NXPE2: variants seen among roughly 807,000 people sequenced by gnomAD.
The protein encoded by NXPE2 is NXPE family member 2.
A neutral mutation model predicts 34.4 loss-of-function variants in NXPE2; 34 were observed. The ratio of observed to expected loss-of-function variants is 0.99; its 90% CI spans 0.75 to 1.31. NXPE2 has a LOEUF of 1.31. Ranked by LOEUF, NXPE2 falls within the 40% of genes most tolerant of loss-of-function variation. The probability of loss-of-function intolerance (pLI) is 0.00; values close to 1 mark genes in which losing one functional copy is unlikely to be tolerated. For synonymous variants in NXPE2, 235 were observed against 231.3 expected, an observed-to-expected ratio of 1.02 and a Z score of -0.15; for missense variants, 649 against 672.5, an observed-to-expected ratio of 0.97 and a Z score of 0.39.
the NXPE2 span, among the ~76,000 whole-genome samples, chr11:114,732,860 C>G: frequency 6.6e-6 from 1 of 152,120 alleles, no homozygotes; most frequent in Non-Finnish European, 1.5e-5. Flanking sequence ...AATTGATGGG[C>G]TATCTGGCCC....
At chr11:114,665,575 G>A in the NXPE2 span, among the ~76,000 whole-genome samples, 4 of 152,152 alleles carry the variant, frequency 2.6e-5, no homozygotes, top group African/African-American at 9.6e-5. Context: ...TGAAGCCCAC[G>A]TAGTTAACAT....
the NXPE2 span, among the ~76,000 whole-genome samples, chr11:114,651,436 C>T: frequency 1.4e-4 from 21 of 152,282 alleles, no homozygotes; most frequent in East Asian, 3.7e-3. Flanking sequence ...GTGAGTGTTA[C>T]AGCTCATAAA....
At chr11:114,538,866 G>A in the NXPE2 span, among the ~76,000 whole-genome samples, 3 of 152,098 alleles carry the variant, frequency 2.0e-5, no homozygotes, top group Non-Finnish European at 1.5e-5. Context: ...CATTGTGGAA[G>A]TCAGTGTGGT....
At chr11:114,490,323 C>T in the NXPE2 span, among the ~76,000 whole-genome samples, 1 of 152,160 alleles carries the variant, frequency 6.6e-6, no homozygotes, top group Non-Finnish European at 1.5e-5. Context: ...ATCAAGCTAC[C>T]AATGACTTTC....
chr11:114,696,984 A>G (rs1951269747), intron 2 of NXPE2, among the ~76,000 whole-genome samples: 1 of 152,226 alleles, frequency 6.6e-6, no homozygotes, highest in Non-Finnish European at 1.5e-5. Flanking sequence ...AATAACTAAT[A>G]TTAAAATAGA....
chr11:114,666,161 C>T, the NXPE2 span, among the ~76,000 whole-genome samples: 1 of 152,156 alleles, frequency 6.6e-6, no homozygotes, highest in Non-Finnish European at 1.5e-5. Flanking sequence ...CTCCTTCTCT[C>T]TCTAAGGCTC....
chr11:114,680,013 C>T (rs1453210799), intron 2 of NXPE2, among the ~76,000 whole-genome samples: 1 of 152,112 alleles, frequency 6.6e-6, no homozygotes. Flanking sequence ...CATCTCTGTA[C>T]TAGTTGGCAC....
the NXPE2 span, among the ~76,000 whole-genome samples, chr11:114,496,423 C>T: frequency 6.6e-6 from 1 of 152,112 alleles, no homozygotes. Flanking sequence ...CTTTCCTACC[C>T]TCTTCAGTTT....
chr11:114,534,927 A>T, the NXPE2 span, among the ~76,000 whole-genome samples: 1 of 152,214 alleles, frequency 6.6e-6, no homozygotes, highest in Non-Finnish European at 1.5e-5. Flanking sequence ...GGAAATACAG[A>T]GAACGCCACT....
At chr11:114,678,924 G>A (rs1328705486) in intron 1 of NXPE2, among the ~76,000 whole-genome samples, 3 of 151,044 alleles carry the variant, frequency 2.0e-5, no homozygotes, top group Non-Finnish European at 3.0e-5. Context: ...TTTTTCTGGG[G>A]TGGGGGGGTT....
chr11:114,520,605 A>G, the NXPE2 span, among the ~76,000 whole-genome samples: 4 of 152,084 alleles, frequency 2.6e-5, no homozygotes, highest in Non-Finnish European at 4.4e-5. Context: ...TGAAGTGCTG[A>G]TTTCATTTCC....
the NXPE2 span, among the ~76,000 whole-genome samples, chr11:114,629,634 C>T: frequency 6.6e-6 from 1 of 152,040 alleles, no homozygotes; most frequent in Non-Finnish European, 1.5e-5. Flanking sequence ...CCTCTCTCAC[C>T]ACTCCTATTC....
chr11:114,601,929 T>TA, the NXPE2 span, among the ~76,000 whole-genome samples: 1 of 64,264 alleles, frequency 1.6e-5, no homozygotes, highest in Admixed American at 2.9e-4. Flanking sequence ...TATAATATAT[T>TA]TATATATATT....
At chr11:114,802,458 C>T in the NXPE2 span, among the ~76,000 whole-genome samples, 193 of 152,292 alleles carry the variant, frequency 1.3e-3, 2 homozygotes, top group African/African-American at 4.5e-3. Context: ...GGGTCACAAG[C>T]CCATCCTTGG....
chr11:114,775,843 C>T, the NXPE2 span, among the ~76,000 whole-genome samples: 1 of 148,848 alleles, frequency 6.7e-6, no homozygotes, highest in Non-Finnish European at 1.5e-5. Flanking sequence ...GGTAAAACTC[C>T]AGCAGCCTTC....
the NXPE2 span, among the ~76,000 whole-genome samples, chr11:114,662,461 C>T: frequency 6.6e-6 from 1 of 152,150 alleles, no homozygotes; most frequent in South Asian, 2.1e-4. Context: ...GAAAGACAGT[C>T]TAGGCCACAA....
At chr11:114,761,346 C>T in the NXPE2 span, among the ~76,000 whole-genome samples, 4 of 152,154 alleles carry the variant, frequency 2.6e-5, no homozygotes, top group Admixed American at 6.5e-5. Flanking sequence ...ATTTTCATAA[C>T]TACCAGAACA....
chr11:114,610,283 G>T, the NXPE2 span, among the ~76,000 whole-genome samples: 1 of 151,078 alleles, frequency 6.6e-6, no homozygotes, highest in South Asian at 2.1e-4. Flanking sequence ...CTACCCGGTG[G>T]ATAATAAGTG....
chr11:114,676,996 T>C (rs1950866029), upstream of NXPE2, among the ~76,000 whole-genome samples: 2 of 151,862 alleles, frequency 1.3e-5, no homozygotes, highest in Admixed American at 1.3e-4. Flanking sequence ...TTATGCTGGG[T>C]AAAATGGGCC....
Sources: gnomAD v4.1 joint callset for allele counts (sites outside exome capture counted in the v4.1 genomes callset) on GRCh38, gnomAD v4.1.1 for gene constraint, MANE v1.5 for transcripts, NCBI Gene and HGNC (gene_info 2026-07-23, HGNC 2026-07-21) for gene names.